Variants in HIP1 observed in about 807,000 individuals in gnomAD.
The protein encoded by HIP1 is huntingtin interacting protein 1.
HIP1 carries 65 observed loss-of-function variants against 147.6 expected under a neutral mutation model. The ratio of observed to expected loss-of-function variants is 0.44; its 90% CI spans 0.36 to 0.54. The LOEUF is 0.54. Ranked by LOEUF, HIP1 falls within the 20% of genes least tolerant of loss-of-function variation. The pLI is 0.00. For synonymous variants in HIP1, 479 were observed against 504.0 expected (o/e 0.95, Z 0.67); for missense variants, 1,061 against 1,299.6 (o/e 0.82, Z 2.82).
At chr7:75,541,397 G>T (rs1321343660) in intron 29 of HIP1, among the ~76,000 whole-genome samples, 3 of 152,066 alleles carry the variant, frequency 2.0e-5, no homozygotes, top group African/African-American at 7.2e-5. Flanking sequence ...AGGCATGGTG[G>T]TGGGCGCCTG....
At chr7:75,646,149 A>G (rs1179597) in intron 1 of HIP1, among the ~76,000 whole-genome samples, 29,288 of 151,800 alleles carry the variant, frequency 0.19, 3,271 homozygotes, top group African/African-American at 0.31. Context: ...GTGCAATCTC[A>G]GCTCACTGCA....
chr7:75,593,126 G>A (rs1363494711), intron 2 of HIP1, among the ~76,000 whole-genome samples: 1 of 152,088 alleles, frequency 6.6e-6, no homozygotes, highest in African/African-American at 2.4e-5. Context: ...GCACCACTGT[G>A]CCTGGCTAAT....
intron 8 of HIP1, 131 bp downstream of exon 8, chr7:75,573,629 CG>C (rs2116890336): frequency 1.1e-6 from 1 of 892,976 alleles, no homozygotes. Context: ...TCAGAAGCTC[CG>C]GGGCCTTTTG....
intron 1 of HIP1, among the ~76,000 whole-genome samples, chr7:75,692,145 T>C (rs1393795810): frequency 6.6e-6 from 1 of 152,144 alleles, no homozygotes; most frequent in African/African-American, 2.4e-5. Flanking sequence ...TCTCCCCCCG[T>C]CCCAATTCCA....
At chr7:75,586,449 G>A (rs985435849) in intron 5 of HIP1, among the ~76,000 whole-genome samples, 3 of 152,070 alleles carry the variant, frequency 2.0e-5, no homozygotes, top group African/African-American at 7.2e-5. Context: ...TGATCCATCC[G>A]CCTGGGCCTC....
intron 1 of HIP1, among the ~76,000 whole-genome samples, chr7:75,640,582 G>A (rs920922102): frequency 6.6e-6 from 1 of 151,946 alleles, no homozygotes; most frequent in Non-Finnish European, 1.5e-5. Context: ...CGAAACTCCC[G>A]TCTCTACTAA....
Position 75,619,298 on chromosome 7 carries a change from G to A in HIP1, c.121-20051C>T, listed in dbSNP as rs149149847. 3.7e-3 allele frequency among the ~76,000 whole-genome samples: 558 copies of A among 152,206 alleles called. 3 individuals carry two copies. Among genetic ancestry groups the A allele is most frequent in the African/African-American group, 0.012 (501 of 41,546 alleles). ...AGCACTTTGGGAAGCCCAGGTGGGC[G>A]GATCACTTGAGGTCAAGAGTTTGAG... On this transcript the variant is annotated intron_variant, in intron 1 of 30. Coordinates refer to ENST00000336926, the MANE Select transcript of HIP1 (RefSeq NM_005338.7).
At chr7:75,676,512 C>T (rs1167421786) in intron 1 of HIP1, among the ~76,000 whole-genome samples, 5 of 151,828 alleles carry the variant, frequency 3.3e-5, no homozygotes, top group Admixed American at 1.3e-4. Flanking sequence ...CGCGGTGGCT[C>T]ATGCCTGTAA....
At chr7:75,720,071 C>T (rs906629521) in intron 1 of HIP1, among the ~76,000 whole-genome samples, 2 of 152,162 alleles carry the variant, frequency 1.3e-5, no homozygotes, top group African/African-American at 2.4e-5. Context: ...ACGATAGAGA[C>T]GATAGAGAGT....
chr7:75,704,396 C>A (rs1554519463), intron 1 of HIP1, among the ~76,000 whole-genome samples: 1 of 152,100 alleles, frequency 6.6e-6, no homozygotes, highest in African/African-American at 2.4e-5. Flanking sequence ...AGGCGCCCAG[C>A]ACCACGCCTG....
intron 1 of HIP1, among the ~76,000 whole-genome samples, chr7:75,628,883 G>A (rs146541267): frequency 6.6e-6 from 1 of 152,230 alleles, no homozygotes; most frequent in African/African-American, 2.4e-5. Flanking sequence ...CTGACTCAGG[G>A]GACAATCTTC....
intron 1 of HIP1, among the ~76,000 whole-genome samples, chr7:75,682,102 G>A (rs781870637): frequency 7.4e-5 from 10 of 134,314 alleles, no homozygotes; most frequent in Non-Finnish European, 9.1e-5. Context: ...CTGGGATTAC[G>A]GGCACACCAC....
chr7:75,731,293 G>C (rs1008202726), intron 1 of HIP1, among the ~76,000 whole-genome samples: 7 of 151,320 alleles, frequency 4.6e-5, no homozygotes, highest in Admixed American at 1.3e-4. Context: ...GACCAGCCTG[G>C]CCAACATGAT....
chr7:75,541,735 A>C (rs1794328091), intron 29 of HIP1, among the ~76,000 whole-genome samples, 184 bp downstream of exon 29: 1 of 151,540 alleles, frequency 6.6e-6, no homozygotes, highest in Non-Finnish European at 1.5e-5. Flanking sequence ...CAAAAAAAAA[A>C]AACAAGGTGA....
chr7:75,570,529 G>A (rs1554496412), intron 8 of HIP1, among the ~76,000 whole-genome samples: 1 of 150,978 alleles, frequency 6.6e-6, no homozygotes, highest in African/African-American at 2.4e-5. Context: ...CTGACCTCAT[G>A]ATCCGCCCAC....
chr7:75,720,024 T>C (rs932592750), intron 1 of HIP1, among the ~76,000 whole-genome samples: 57 of 152,116 alleles, frequency 3.7e-4, no homozygotes, highest in African/African-American at 1.3e-3. Flanking sequence ...CTCCAGGAAC[T>C]GGGAAAATAA....
rs782666183 is a variant in HIP1 at position 75,664,418 on chromosome 7, ATG to A, written c.121-65173_121-65172del. On this transcript the variant is annotated intron_variant, in intron 1 of 30. Transcript: ENST00000336926. ...TATACATACATATATACACATACAT[ATG>A]TGTGTGTATACATATACATACATAT... Among the ~76,000 whole-genome samples the A allele has an allele frequency of 8.5e-5, 11 of 129,490 alleles. 1 individual carries two copies. Among genetic ancestry groups the A allele is most frequent in the Non-Finnish European group, 1.2e-4 (7 of 60,426 alleles). 85.0% of individuals were successfully genotyped at this position (129,490 alleles called of 152,430 possible).
intron 4 of HIP1, among the ~76,000 whole-genome samples, chr7:75,588,674 T>G (rs1796368963): frequency 6.6e-6 from 1 of 151,990 alleles, no homozygotes; most frequent in African/African-American, 2.4e-5. Flanking sequence ...CTTGGAAGGC[T>G]GAGGTGGAAG....
intron 1 of HIP1, among the ~76,000 whole-genome samples, chr7:75,724,706 T>A (rs1413593284): frequency 6.6e-6 from 1 of 152,180 alleles, no homozygotes; most frequent in Non-Finnish European, 1.5e-5. Context: ...ATGAGAAATT[T>A]AGGGCCTGTG....
Sources: gnomAD v4.1 joint callset for allele counts (sites outside exome capture counted in the v4.1 genomes callset) on GRCh38, gnomAD v4.1.1 for gene constraint, MANE v1.5 for transcripts, NCBI Gene and HGNC (gene_info 2026-07-23, HGNC 2026-07-21) for gene names.